The following CCDC163 variants were observed in gnomAD, a reference collection of about 807,000 sequenced individuals.
The protein encoded by CCDC163 is transmembrane protein CCDC163.
In CCDC163, 13 loss-of-function variants were observed where a neutral mutation model predicts 8.2. That is an observed-to-expected ratio of 1.59 (90% CI 1.04 to 2.54). The LOEUF (loss-of-function observed/expected upper bound fraction) is 2.54. Among genes scored for constraint, CCDC163 ranks in the 30% most tolerant of loss-of-function variants. The probability of loss-of-function intolerance (pLI) is 0.00; values close to 1 mark genes in which losing one functional copy is unlikely to be tolerated. For synonymous variants in CCDC163, 41 were observed against 30.9 expected (o/e 1.33, Z -1.08); for missense variants, 117 against 78.6 (o/e 1.49, Z -1.85).
Position 45,497,976 on chromosome 1 carries a change from G to A in CCDC163, c.178-593C>T, listed in dbSNP as rs1412558116. 2.7e-5 allele frequency among the ~76,000 whole-genome samples: 4 copies of A among 148,630 alleles called. No homozygotes were observed. In the East Asian group the frequency reaches 8.1e-4, roughly 30 times the overall value. On this transcript the variant is annotated intron_variant, in intron 2 of 4. Coordinates refer to ENST00000629482, the MANE Select transcript of CCDC163 (RefSeq NM_001102601.3). The stretch of plus-strand genomic sequence containing the variant: ...GGGGAAAAGATTGAGAAATCGGATG[G>A]TTGCCGTGTCTGTGTAGAAAGAAGT...
At chr1:45,497,624 A>T (rs1654289002) in intron 2 of CCDC163, among the ~76,000 whole-genome samples, 1 of 124,466 alleles carries the variant, frequency 8.0e-6, no homozygotes, top group Non-Finnish European at 1.6e-5. Flanking sequence ...AAGTGCCGAG[A>T]CTGCAGCCTC....
chr1:45,497,679 C>A (rs61788290), intron 2 of CCDC163, among the ~76,000 whole-genome samples: 21 of 24,338 alleles, frequency 8.6e-4, no homozygotes, highest in African/African-American at 1.7e-3. Flanking sequence ...CGTCTCCGCC[C>A]GGCAGCCACC....
chr1:45,498,834 G>T (rs1319630859), intron 2 of CCDC163, among the ~76,000 whole-genome samples: 2 of 152,196 alleles, frequency 1.3e-5, no homozygotes, highest in Non-Finnish European at 2.9e-5. Context: ...TACTTCTGCT[G>T]CTCTCGCTCT....
chr1:45,498,112 G>T (rs1459631821), intron 2 of CCDC163, among the ~76,000 whole-genome samples: 1 of 151,572 alleles, frequency 6.6e-6, no homozygotes. Context: ...AACATGTGCT[G>T]TGTCCACTCA....
chr1:45,496,505 A>G (rs1387082906), intron 4 of CCDC163, 51 bp downstream of exon 4: 1 of 766,814 alleles, frequency 1.3e-6, no homozygotes, highest in Non-Finnish European at 2.4e-6. Flanking sequence ...CAGAGAAAGG[A>G]AAGGTCCTCC....
intron 2 of CCDC163, among the ~76,000 whole-genome samples, chr1:45,497,856 G>C (rs190241151): frequency 1.4e-5 from 2 of 144,670 alleles, no homozygotes; most frequent in Admixed American, 6.9e-5. Context: ...CCCTCTGCCC[G>C]GCCACCACCC....
intron 2 of CCDC163, among the ~76,000 whole-genome samples, chr1:45,497,745 T>G (rs112100428): frequency 5.6e-5 from 1 of 17,768 alleles, no homozygotes; most frequent in Non-Finnish European, 1.0e-4. Context: ...CCGCCCCGTC[T>G]GGGAGGGAGG....
chr1:45,496,102 T>TC (rs955197270), intron 4 of CCDC163: 1 of 283,420 alleles, frequency 3.5e-6, no homozygotes, highest in South Asian at 3.7e-5. Context: ...TGAACTTTGG[T>TC]CCCCAGTGCC....
chr1:45,495,322 C>A, intron 4 of CCDC163, 156 bp from the exon 5 acceptor site: 2 of 701,766 alleles, frequency 2.8e-6, no homozygotes, highest in South Asian at 1.5e-5. Context: ...GGCAGAGACT[C>A]CATTCTACCT....
chr1:45,496,959 G>C (rs1475761611), intron 3 of CCDC163, among the ~76,000 whole-genome samples: 2 of 152,162 alleles, frequency 1.3e-5, no homozygotes, highest in Non-Finnish European at 2.9e-5. Context: ...TCAGGAGTTC[G>C]AGACCAGCTC....
chr1:45,497,745 T>C (rs112100428), intron 2 of CCDC163, among the ~76,000 whole-genome samples: 65 of 17,610 alleles, frequency 3.7e-3, no homozygotes, highest in South Asian at 0.01. Context: ...CCGCCCCGTC[T>C]GGGAGGGAGG....
chr1:45,499,481 A>G (rs1294509865), intron 1 of CCDC163, 38 bp from the exon 2 acceptor site: 3 of 777,030 alleles, frequency 3.9e-6, no homozygotes, highest in South Asian at 2.7e-5. Flanking sequence ...ATGAACTCTG[A>G]GAGTCCCTTA....
chr1:45,496,347 C>T (rs1391789514), intron 4 of CCDC163: 1 of 670,888 alleles, frequency 1.5e-6, no homozygotes, highest in South Asian at 1.5e-5. Flanking sequence ...ACTTGGAACC[C>T]TCATGTCGGC....
chr1:45,497,342 T>G lies in CCDC163; in HGVS notation c.219A>C (p.Ser73=). The G allele has an allele frequency of 1.3e-6, 1 of 780,284 alleles. No individual in the cohort carries two copies. Among genetic ancestry groups the G allele is most frequent in the Non-Finnish European group, 2.4e-6 (1 of 417,614 alleles). The allele number at this position is 780,284 out of a possible 1,614,324, so 48.3% of individuals were successfully genotyped here. ...ACTTCAATTCCTTCTGCATAATCTC[T>G]GACTCCTCCCACAGCACTGCAGGAG... ...AVTPAVLWEE[S]EIMQKELKLL... The change falls in exon 3 of 5, where the codon TCA becomes TCC. Residue 73 remains serine (S), a synonymous_variant. Transcript: ENST00000629482.
rs1432604508 is a variant in CCDC163, at chr1:45,495,027, CCTA to C, written c.*29_*31del. On this transcript the variant is annotated 3_prime_UTR_variant, in exon 5 of 5. Coordinates refer to ENST00000629482, the MANE Select transcript of CCDC163 (RefSeq NM_001102601.3). ...GGAGGGTGGGCAAAGAAGCCTTCAT[CCTA>C]CTATTCTTAACGAGTCCTTACAGGT... is the stretch of plus-strand genomic sequence containing the variant. The C allele has an allele frequency of 1.3e-6, 1 of 780,708 alleles. No homozygotes were observed. The highest frequency in any genetic ancestry group is 2.4e-6 in the Non-Finnish European group (1 of 417,918). 48.4% of individuals were successfully genotyped at this position (780,708 alleles called of 1,614,324 possible). A position where few individuals can be genotyped will look rare whatever the true frequency, so the allele number is the denominator to read the frequency against.
chr1:45,497,691 CGTCCGGG>C (rs1643363530), intron 2 of CCDC163, among the ~76,000 whole-genome samples: 1 of 8,408 alleles, frequency 1.2e-4, no homozygotes. Flanking sequence ...GCAGCCACCC[CGTCCGGG>C]AGGGAGGTGG....
chr1:45,495,043 A>G lies in CCDC163; in HGVS notation c.*16T>C. On this transcript the variant is annotated 3_prime_UTR_variant, in exon 5 of 5. Coordinates refer to ENST00000629482, the MANE Select transcript of CCDC163 (RefSeq NM_001102601.3). Reference sequence around the variant, plus strand: ...AGCCTTCATCCTACTATTCTTAACGAGTCCTTACAGGTCATTCAGGAGCAT... The same window carrying G: ...AGCCTTCATCCTACTATTCTTAACGGGTCCTTACAGGTCATTCAGGAGCAT... The G allele has an allele frequency of 1.3e-6, 1 of 780,810 alleles. No homozygotes were observed. The highest frequency in any genetic ancestry group is 2.4e-6 in the Non-Finnish European group (1 of 417,954). The allele number at this position is 780,810 out of a possible 1,614,324, so 48.4% of individuals were successfully genotyped here. A position where few individuals can be genotyped will look rare whatever the true frequency, so the allele number is the denominator to read the frequency against.
chr1:45,496,385 G>A, intron 4 of CCDC163, 171 bp downstream of exon 4: 2 of 696,320 alleles, frequency 2.9e-6, no homozygotes, highest in Non-Finnish European at 5.3e-6. Flanking sequence ...GCCGGGAGCA[G>A]AAAGGTTAGA....
chr1:45,499,565 G>C lies in CCDC163; in HGVS notation c.45C>G (p.Leu15=). Residue 15 remains leucine, a synonymous_variant, in exon 1 of 5, where the codon CTC becomes CTG. Coordinates refer to ENST00000629482, the MANE Select transcript of CCDC163 (RefSeq NM_001102601.3). ...GGACCACATTTCCATCAGTAGCGTT[G>C]AGAAGCACATCCAGCTGCTCAAACC... ...LSWFEQLDVL[L]NATDGNVVRN... 1.3e-6 allele frequency: 1 copy of C among 778,648 alleles called. No homozygotes were observed. Among genetic ancestry groups the C allele is most frequent in the Non-Finnish European group, 2.4e-6 (1 of 417,078 alleles). The allele number at this position is 778,648 out of a possible 1,614,324, so 48.2% of individuals were successfully genotyped here.
Sources: allele counts gnomAD v4.1 joint callset (sites outside exome capture counted in the v4.1 genomes callset), GRCh38; gene constraint gnomAD v4.1.1; transcripts MANE v1.5; gene names NCBI Gene and HGNC (gene_info 2026-07-23, HGNC 2026-07-21).